KMT2C: variants seen among roughly 807,000 people sequenced by gnomAD.
KMT2C encodes the protein histone-lysine N-methyltransferase 2C.
Under a neutral mutation model 507.9 loss-of-function variants are expected in KMT2C, and 88 were observed. That is an observed-to-expected ratio of 0.17 (90% confidence interval 0.15 to 0.21). The LOEUF (loss-of-function observed/expected upper bound fraction) is 0.21, where lower values mean the gene tolerates loss of function less well. KMT2C is among the 10% of genes least tolerant of loss of function. The pLI is 1.00. For missense variants in KMT2C, 4,954 were observed against 5,957.8 expected (o/e 0.83, Z 5.55); for synonymous variants, 2,049 against 2,080.8 (o/e 0.98, Z 0.42).
intron 40 of KMT2C, among the ~76,000 whole-genome samples, chr7:152,170,968 T>G (rs892837161): frequency 6.6e-6 from 1 of 152,204 alleles, no homozygotes; most frequent in African/African-American, 2.4e-5. Context: ...CGTAAGTATA[T>G]AAATCCTTTT....
intron 6 of KMT2C, among the ~76,000 whole-genome samples, chr7:152,309,313 ATTTTT>A (rs1169487768): frequency 2.3e-5 from 3 of 129,662 alleles, no homozygotes; most frequent in Non-Finnish European, 3.2e-5. Flanking sequence ...ACACAAATTA[ATTTTT>A]TTTTTTTTTT....
chr7:152,299,409 T>A (rs995588872), intron 6 of KMT2C, among the ~76,000 whole-genome samples: 1 of 151,794 alleles, frequency 6.6e-6, no homozygotes. Flanking sequence ...ATCCCAGCAC[T>A]CTGGGTGGCC....
chr7:152,384,974 A>G (rs2097410220), intron 1 of KMT2C, among the ~76,000 whole-genome samples: 1 of 152,178 alleles, frequency 6.6e-6, no homozygotes, highest in East Asian at 1.9e-4. Flanking sequence ...GGCATTAGTC[A>G]CCAACAGTTG....
chr7:152,407,886 T>C (rs540739646), intron 1 of KMT2C, among the ~76,000 whole-genome samples: 3 of 152,374 alleles, frequency 2.0e-5, no homozygotes, highest in African/African-American at 7.2e-5. Flanking sequence ...AAACATATAC[T>C]ATTAGTTACA....
chr7:152,360,295 T>C (rs2097186036), intron 1 of KMT2C, among the ~76,000 whole-genome samples: 2 of 151,930 alleles, frequency 1.3e-5, no homozygotes, highest in South Asian at 4.1e-4. Context: ...CTGGCCTACG[T>C]GGCGAAACCT....
chr7:152,236,840 A>G (rs1197910274), intron 15 of KMT2C, among the ~76,000 whole-genome samples: 3 of 152,202 alleles, frequency 2.0e-5, no homozygotes, highest in Non-Finnish European at 4.4e-5. Flanking sequence ...TACAGGAGTA[A>G]GCCAAAGCGT....
intron 23 of KMT2C, among the ~76,000 whole-genome samples, chr7:152,210,963 T>C (rs1177833735): frequency 6.6e-6 from 1 of 152,114 alleles, no homozygotes; most frequent in Non-Finnish European, 1.5e-5. Context: ...CAGAGGGAAT[T>C]GTTATCAATA....
At chr7:152,193,305 T>C (rs1011662088) in intron 31 of KMT2C, among the ~76,000 whole-genome samples, 8 of 152,190 alleles carry the variant, frequency 5.3e-5, no homozygotes, top group African/African-American at 1.4e-4. Context: ...TCCTAGGCTA[T>C]CAAATTTCAG....
intron 42 of KMT2C, among the ~76,000 whole-genome samples, chr7:152,166,881 C>A (rs563325895): frequency 6.6e-6 from 1 of 152,256 alleles, no homozygotes; most frequent in East Asian, 1.9e-4. Context: ...GAAAATAGTT[C>A]TTCGAAGTCG....
chr7:152,309,297 T>C (rs969696480), intron 6 of KMT2C, among the ~76,000 whole-genome samples: 9 of 150,984 alleles, frequency 6.0e-5, no homozygotes, highest in African/African-American at 2.2e-4. Flanking sequence ...TACATTCCAA[T>C]GGCTTACACA....
intron 1 of KMT2C, among the ~76,000 whole-genome samples, chr7:152,360,991 T>C (rs2097192598): frequency 1.3e-5 from 2 of 151,940 alleles, no homozygotes; most frequent in South Asian, 4.1e-4. Context: ...TGTCAAAAAC[T>C]ATGAATGAAA....
intron 3 of KMT2C, among the ~76,000 whole-genome samples, chr7:152,318,922 T>C (rs2096746551): frequency 6.6e-6 from 1 of 152,268 alleles, no homozygotes; most frequent in South Asian, 2.1e-4. Flanking sequence ...GGTCTCAAAA[T>C]GAATCTCGAA....
intron 6 of KMT2C, among the ~76,000 whole-genome samples, chr7:152,282,759 T>A (rs1030582375): frequency 1.1e-4 from 17 of 151,828 alleles, no homozygotes; most frequent in African/African-American, 4.1e-4. Context: ...GATTTTAGTA[T>A]ATACGTTCTA....
At chr7:152,199,141 G>A in intron 27 of KMT2C, 138 bp downstream of exon 27, 1 of 644,624 alleles carries the variant, frequency 1.6e-6, no homozygotes, top group South Asian at 2.2e-5. Context: ...TCCACTTACT[G>A]AATGTAAGTT....
rs939691883 is a variant in KMT2C, at chr7:152,435,994, C to A, written c.-208G>T. On this transcript the variant is annotated 5_prime_UTR_variant, in exon 1 of 59. Transcript: ENST00000262189. Reference sequence around the variant, plus strand: ...ACGCACTCACACACATCGGCGCGGGCGCGCGCACCTCCGCGCGCAGGGGCC... The same window carrying A: ...ACGCACTCACACACATCGGCGCGGGAGCGCGCACCTCCGCGCGCAGGGGCC... 2.9e-5 allele frequency: 7 copies of A among 244,182 alleles called. No individual in the cohort carries two copies. The highest frequency in any genetic ancestry group is 4.6e-5 in the Non-Finnish European group (6 of 130,328). The allele number at this position is 244,182 out of a possible 1,614,324, so 15.1% of individuals were successfully genotyped here. A position where few individuals can be genotyped will look rare whatever the true frequency, so the allele number is the denominator to read the frequency against.
intron 10 of KMT2C, 43 bp from the exon 11 acceptor site, chr7:152,252,133 GTTA>G (rs2095572019): frequency 7.0e-7 from 1 of 1,423,828 alleles, no homozygotes. Flanking sequence ...CTAACATCGA[GTTA>G]TTATCTAGGT....
At chr7:152,260,255 G>T (rs376034161) in intron 9 of KMT2C, among the ~76,000 whole-genome samples, 3 of 152,272 alleles carry the variant, frequency 2.0e-5, no homozygotes, top group Admixed American at 6.5e-5. Context: ...CAGAAATTAT[G>T]TAATTCTGTC....
intron 3 of KMT2C, among the ~76,000 whole-genome samples, chr7:152,329,529 T>C (rs1309678088): frequency 2.0e-5 from 3 of 150,954 alleles, no homozygotes; most frequent in Admixed American, 6.6e-5. Flanking sequence ...GTGATCACAC[T>C]ACTGCACTCT....
rs2095805434 is a variant in KMT2C, at chr7:152,262,995, AT to A, written c.1299+20del. 1.3e-6 allele frequency: 2 copies of A among 1,560,260 alleles called. No individual in the cohort carries two copies. The highest frequency in any genetic ancestry group is 1.8e-6 in the Non-Finnish European group (2 of 1,141,576). On this transcript the variant is annotated intron_variant, in intron 9 of 58. Transcript: ENST00000262189. ...TAAAACATAGAGAGGATTTAAAAAA[AT>A]AAATAAATAAACAACTTACTTTGCA...
Sources: allele counts gnomAD v4.1 joint callset (sites outside exome capture counted in the v4.1 genomes callset), GRCh38; gene constraint gnomAD v4.1.1; transcripts MANE v1.5; gene names NCBI Gene and HGNC (gene_info 2026-07-23, HGNC 2026-07-21).